The following IGF2BP1 variants were observed in gnomAD, a reference collection of about 807,000 sequenced individuals.
IGF2BP1 encodes insulin like growth factor 2 mRNA binding protein 1.
IGF2BP1 carries 11 observed loss-of-function variants against 74.9 expected under a neutral mutation model. That is an observed-to-expected ratio of 0.15 (90% CI 0.09 to 0.24). The LOEUF (loss-of-function observed/expected upper bound fraction) is 0.24, where lower values mean the gene tolerates loss of function less well. Ranked by LOEUF, IGF2BP1 falls within the 10% of genes least tolerant of loss-of-function variation. The pLI is 1.00. For synonymous variants in IGF2BP1, 287 were observed against 281.8 expected (o/e 1.02, Z -0.18); for missense variants, 440 against 757.4 (o/e 0.58, Z 4.92).
At chr17:49,043,592 T>C in intron 10 of IGF2BP1, 42 bp downstream of exon 10, 1 of 1,607,926 alleles carries the variant, frequency 6.2e-7, no homozygotes, top group South Asian at 1.1e-5. Context: ...TGGGCCCATA[T>C]GTGGCCTCCC....
chr17:49,000,690 T>C (rs901756757), intron 2 of IGF2BP1, among the ~76,000 whole-genome samples: 4 of 152,254 alleles, frequency 2.6e-5, no homozygotes, highest in African/African-American at 9.6e-5. Flanking sequence ...TGTGGATTTT[T>C]TCTTTTGCTC....
At chr17:49,024,015 C>T (rs1348284408) in intron 2 of IGF2BP1, among the ~76,000 whole-genome samples, 1 of 149,124 alleles carries the variant, frequency 6.7e-6, no homozygotes, top group Non-Finnish European at 1.5e-5. Flanking sequence ...CTCCCTGGTT[C>T]AAGCGATCCT....
At chr17:49,048,698 AG>A (rs1180954856) in intron 14 of IGF2BP1, among the ~76,000 whole-genome samples, 6 of 152,100 alleles carry the variant, frequency 3.9e-5, no homozygotes, top group Non-Finnish European at 7.4e-5. Flanking sequence ...GCAGGAGGTG[AG>A]CGGCAGACGA....
Position 49,051,494 on chromosome 17 carries a change from C to T in IGF2BP1, c.*2050C>T, listed in dbSNP as rs2042166413. On this transcript the variant is annotated 3_prime_UTR_variant, in exon 15 of 15. Transcript: ENST00000290341. ...CAGCTGCTGGCGGCTGCTGGAATAT[C>T]CTACCTGATAGGATTAAAAGGCCTA... 6.6e-6 allele frequency: 1 copy of T among 152,318 alleles called. No individual in the cohort carries two copies. Among genetic ancestry groups the T allele is most frequent in the African/African-American group, 2.4e-5 (1 of 41,418 alleles). The allele number at this position is 152,318 out of a possible 1,614,324, so 9.4% of individuals were successfully genotyped here. A position where few individuals can be genotyped will look rare whatever the true frequency, so the allele number is the denominator to read the frequency against.
chr17:49,025,082 C>G (rs960474636), intron 2 of IGF2BP1, among the ~76,000 whole-genome samples: 1 of 152,088 alleles, frequency 6.6e-6, no homozygotes, highest in Non-Finnish European at 1.5e-5. Context: ...ATCCCAGCTA[C>G]TAGGGAGGCT....
At chr17:49,027,761 A>T (rs1450285908) in intron 4 of IGF2BP1, among the ~76,000 whole-genome samples, 4 of 142,270 alleles carry the variant, frequency 2.8e-5, no homozygotes, top group Admixed American at 7.4e-5. Flanking sequence ...CTGAGGCAGG[A>T]GAATGGCGTG....
rs2042179287 is a variant in IGF2BP1 at position 49,052,528 on chromosome 17, G to A, written c.*3084G>A. ...TGGAAAACTTCACTTGCTTGGATTA[G>A]GCAAGGCTCCACTCATTGTTGATAT... On this transcript the variant is annotated 3_prime_UTR_variant, in exon 15 of 15. Transcript: ENST00000290341. 1 of 152,154 alleles carries A rather than the reference G, an allele frequency of 6.6e-6. No individual in the cohort carries two copies. The allele number at this position is 152,154 out of a possible 1,614,324, so 9.4% of individuals were successfully genotyped here.
intron 2 of IGF2BP1, among the ~76,000 whole-genome samples, chr17:49,021,516 C>T (rs896720271): frequency 6.6e-6 from 1 of 152,152 alleles, no homozygotes; most frequent in Admixed American, 6.5e-5. Flanking sequence ...GCCCCCGTCC[C>T]CACGTGCCCC....
chr17:49,000,062 T>C (rs1424363210), intron 2 of IGF2BP1, among the ~76,000 whole-genome samples: 1 of 152,010 alleles, frequency 6.6e-6, no homozygotes, highest in Admixed American at 6.6e-5. Context: ...AATCTTGCAT[T>C]GAACTCTGAA....
At position 49,055,147 on chromosome 17, in the gene IGF2BP1, A is replaced by G. The variant is rs1186029209; in HGVS notation, c.*5703A>G. Reference sequence around the variant, plus strand: ...TACTTTCCAAAAAATAAAATTAAAAAAAAAAAAACCAAAAAAAAAAATTTT... The same window carrying G: ...TACTTTCCAAAAAATAAAATTAAAAGAAAAAAAACCAAAAAAAAAAATTTT... On this transcript the variant is annotated 3_prime_UTR_variant, in exon 15 of 15. Transcript: ENST00000290341. 1.8e-5 allele frequency: 2 copies of G among 111,414 alleles called. No homozygotes were observed. Among genetic ancestry groups the G allele is most frequent in the Non-Finnish European group, 3.8e-5 (2 of 53,316 alleles). The allele number at this position is 111,414 out of a possible 1,614,324, so 6.9% of individuals were successfully genotyped here.
At chr17:49,034,753 AAACAAAAAAAAC>A (rs2041966222) in intron 5 of IGF2BP1, among the ~76,000 whole-genome samples, 1 of 129,170 alleles carries the variant, frequency 7.7e-6, no homozygotes, top group Non-Finnish European at 1.6e-5. Context: ...AACACAAAAA[AAACAAAAAAAAC>A]AAAAAAAACG....
intron 1 of IGF2BP1, among the ~76,000 whole-genome samples, chr17:48,998,129 C>T (rs1419984538): frequency 1.3e-5 from 2 of 151,968 alleles, no homozygotes; most frequent in African/African-American, 2.4e-5. Flanking sequence ...ATTTCCTCAT[C>T]CCTTTCTCCC....
rs756237012 is a variant in IGF2BP1, at chr17:49,049,393, G to A, written c.1683G>A (p.Lys561=). ...TCCGAGACATCCTGGCCCAGGTTAA[G>A]CAGCAGCATCAGAAGGGACAGAGTA... ...RKIRDILAQV[K]QQHQKGQSNQ... The change falls in exon 15 of 15, where the codon AAG becomes AAA. Residue 561 remains lysine (K), a synonymous_variant. Coordinates refer to ENST00000290341, the MANE Select transcript of IGF2BP1 (RefSeq NM_006546.4). 1 of 1,614,168 alleles carries A rather than the reference G, an allele frequency of 6.2e-7. No homozygotes were observed. Among genetic ancestry groups the A allele is most frequent in the Admixed American group, 1.7e-5 (1 of 60,026 alleles).
In IGF2BP1 at chr17:49,040,104, C is replaced by T. The variant is rs1337088302; in HGVS notation, c.818+13C>T. 1.2e-6 allele frequency: 2 copies of T among 1,613,580 alleles called. No individual in the cohort carries two copies. The highest frequency in any genetic ancestry group is 3.3e-5 in the Admixed American group (2 of 59,974). ...AGGACACCAAAACGTAAGTCTCCAG[C>T]TTTTCTTGGATCTTCAGGGTCTGCT... is the stretch of plus-strand genomic sequence containing the variant. On this transcript the variant is annotated intron_variant, in intron 7 of 14. Coordinates refer to ENST00000290341, the MANE Select transcript of IGF2BP1 (RefSeq NM_006546.4).
intron 2 of IGF2BP1, among the ~76,000 whole-genome samples, chr17:49,021,299 C>CT (rs1291966531): frequency 6.6e-6 from 1 of 152,162 alleles, no homozygotes; most frequent in Non-Finnish European, 1.5e-5. Flanking sequence ...CCCAGGGGCC[C>CT]TGCTCCCTGT....
chr17:49,055,979 T>C lies in IGF2BP1; in HGVS notation c.*6535T>C, dbSNP rs924551779. Among the ~76,000 whole-genome samples, 5 of 152,030 alleles carry C rather than the reference T, an allele frequency of 3.3e-5. No individual in the cohort carries two copies. The highest frequency in any genetic ancestry group is 1.2e-4 in the African/African-American group (5 of 41,390). On this transcript the variant is annotated 3_prime_UTR_variant, in exon 15 of 15. Coordinates refer to ENST00000290341, the MANE Select transcript of IGF2BP1 (RefSeq NM_006546.4). ...TCCTTCCTCCCATCCTTTAATCTGT[T>C]CATTGCTTTGGGGGAGGTGGGGCAG...
intron 14 of IGF2BP1, among the ~76,000 whole-genome samples, chr17:49,048,756 A>G (rs1379554961): frequency 6.6e-6 from 1 of 152,092 alleles, no homozygotes; most frequent in Non-Finnish European, 1.5e-5. Flanking sequence ...TCAGGGCGGC[A>G]TTAGATTCTC....
chr17:48,999,716 C>G (rs193083590), intron 2 of IGF2BP1, among the ~76,000 whole-genome samples: 4 of 150,978 alleles, frequency 2.6e-5, no homozygotes, highest in Non-Finnish European at 5.9e-5. Context: ...TTCCATGGAC[C>G]CCCCACCCCC....
intron 8 of IGF2BP1, 83 bp downstream of exon 8, chr17:49,041,583 T>G: frequency 2.6e-6 from 4 of 1,543,952 alleles, no homozygotes; most frequent in Non-Finnish European, 2.7e-6. Flanking sequence ...AACCTTGATA[T>G]GTGCTCTTTT....
Sources: gnomAD v4.1 joint callset for allele counts (sites outside exome capture counted in the v4.1 genomes callset) on GRCh38, gnomAD v4.1.1 for gene constraint, MANE v1.5 for transcripts, NCBI Gene and HGNC (gene_info 2026-07-23, HGNC 2026-07-21) for gene names.